SBF2: variants seen among roughly 807,000 people sequenced by gnomAD.
SBF2 encodes SET binding factor 2.
SBF2 carries 112 observed loss-of-function variants against 225.2 expected under a neutral mutation model. The observed-to-expected ratio is 0.50, with a 90% CI of 0.43 to 0.58. The LOEUF (loss-of-function observed/expected upper bound fraction) is 0.58, where lower values mean the gene tolerates loss of function less well. SBF2 is among the 20% of genes least tolerant of loss of function. The pLI, the probability that SBF2 is intolerant of heterozygous loss-of-function variation, is 0.00. For synonymous variants in SBF2, 763 were observed against 773.3 expected (o/e 0.99, Z 0.22); for missense variants, 1,996 against 2,206.2 (o/e 0.90, Z 1.91).
At chr11:10,251,392 C>T (rs936433937) in intron 1 of SBF2, among the ~76,000 whole-genome samples, 5 of 152,126 alleles carry the variant, frequency 3.3e-5, no homozygotes, top group Non-Finnish European at 7.4e-5. Context: ...TATGGTTACA[C>T]AACAGACTTT....
chr11:10,039,207 C>CA (rs916723822), intron 3 of SBF2, among the ~76,000 whole-genome samples: 4 of 151,020 alleles, frequency 2.6e-5, no homozygotes, highest in Admixed American at 2.6e-4. Flanking sequence ...TAATTCACAC[C>CA]AAAAAAGAAT....
chr11:10,192,168 T>C (rs1190198482), intron 2 of SBF2, among the ~76,000 whole-genome samples: 3 of 152,126 alleles, frequency 2.0e-5, no homozygotes, highest in African/African-American at 7.2e-5. Flanking sequence ...GTAAGGCCAA[T>C]TACTGGTATT....
intron 2 of SBF2, among the ~76,000 whole-genome samples, chr11:10,176,621 C>T (rs1478392822): frequency 1.3e-5 from 2 of 152,150 alleles, no homozygotes; most frequent in African/African-American, 2.4e-5. Flanking sequence ...GACATATACA[C>T]CCTCCCAAGA....
chr11:9,845,533 G>A (rs915847149), intron 24 of SBF2, 32 bp downstream of exon 24: 2 of 1,593,108 alleles, frequency 1.3e-6, no homozygotes, highest in South Asian at 1.1e-5. Flanking sequence ...TTACGGGAGG[G>A]CTGAAATTAA....
chr11:10,162,446 G>A (rs1458107552), intron 2 of SBF2, among the ~76,000 whole-genome samples: 6 of 152,132 alleles, frequency 3.9e-5, no homozygotes, highest in East Asian at 1.9e-4. Flanking sequence ...AAATAAGAAC[G>A]CAGGGTTTCA....
At chr11:10,060,734 A>G (rs1406257282) in intron 2 of SBF2, among the ~76,000 whole-genome samples, 1 of 152,128 alleles carries the variant, frequency 6.6e-6, no homozygotes, top group East Asian at 1.9e-4. Flanking sequence ...AACATATAAA[A>G]ATCTGTAAAC....
chr11:10,248,357 C>T lies in SBF2; in HGVS notation c.55+45658G>A, dbSNP rs116612677. ...GGGAATTTATGCAAGAAATGCAGTA[C>T]AATTTAAAGGTGATTAGGCCTCTTA... On this transcript the variant is annotated intron_variant, in intron 1 of 39. Transcript: ENST00000256190. 2.7e-3 allele frequency among the ~76,000 whole-genome samples: 408 copies of T among 152,282 alleles called. 4 individuals are homozygous for T. Among genetic ancestry groups the T allele is most frequent in the African/African-American group, 9.3e-3 (388 of 41,548 alleles).
At chr11:10,169,124 T>C (rs975004302) in intron 2 of SBF2, among the ~76,000 whole-genome samples, 4 of 152,240 alleles carry the variant, frequency 2.6e-5, no homozygotes, top group Non-Finnish European at 4.4e-5. Flanking sequence ...ATATAATGCA[T>C]AATAATCAGT....
chr11:10,004,512 C>A (rs1948102594), intron 6 of SBF2, among the ~76,000 whole-genome samples: 1 of 145,452 alleles, frequency 6.9e-6, no homozygotes, highest in Non-Finnish European at 1.5e-5. Flanking sequence ...GGAAGTCAAG[C>A]TAGGAACTGC....
intron 17 of SBF2, among the ~76,000 whole-genome samples, chr11:9,872,974 T>C (rs1209912204): frequency 1.3e-5 from 2 of 151,936 alleles, no homozygotes; most frequent in Non-Finnish European, 2.9e-5. Flanking sequence ...TGTATACATA[T>C]ATGCCATAGA....
intron 1 of SBF2, among the ~76,000 whole-genome samples, chr11:10,228,553 C>G (rs180697995): frequency 1.4e-3 from 206 of 152,214 alleles, no homozygotes; most frequent in African/African-American, 4.5e-3. Flanking sequence ...TTTTCAAAGG[C>G]CTTTTCTGCA....
At chr11:10,161,723 C>T (rs1057432551) in intron 2 of SBF2, among the ~76,000 whole-genome samples, 2 of 151,608 alleles carry the variant, frequency 1.3e-5, no homozygotes, top group African/African-American at 2.4e-5. Context: ...TGGTGGCTCA[C>T]GCCAGTAATC....
chr11:9,811,577 G>A (rs1854187508), intron 30 of SBF2, among the ~76,000 whole-genome samples: 1 of 152,118 alleles, frequency 6.6e-6, no homozygotes, highest in Admixed American at 6.6e-5. Flanking sequence ...TTCCTTCCAC[G>A]GGTATGCAAA....
chr11:10,229,851 C>T (rs964147177), intron 1 of SBF2, among the ~76,000 whole-genome samples: 1 of 152,152 alleles, frequency 6.6e-6, no homozygotes, highest in African/African-American at 2.4e-5. Context: ...GAGCTGAGTT[C>T]AAGTCCTGGA....
chr11:10,229,072 C>A (rs1334533325), intron 1 of SBF2, among the ~76,000 whole-genome samples: 2 of 152,092 alleles, frequency 1.3e-5, no homozygotes, highest in Admixed American at 1.3e-4. Context: ...GGAATTTATC[C>A]ATTTCTTCTA....
At chr11:10,239,060 ATGTT>A (rs1170084547) in intron 1 of SBF2, among the ~76,000 whole-genome samples, 1 of 150,942 alleles carries the variant, frequency 6.6e-6, no homozygotes, top group African/African-American at 2.4e-5. Flanking sequence ...ACACACATAT[ATGTT>A]TATGTGTATA....
At chr11:10,139,772 G>C (rs1290095420) in intron 2 of SBF2, among the ~76,000 whole-genome samples, 1 of 152,114 alleles carries the variant, frequency 6.6e-6, no homozygotes, top group Non-Finnish European at 1.5e-5. Context: ...GTAAGTTATT[G>C]TCCTCATTAG....
chr11:10,105,666 T>C (rs1952513681), intron 2 of SBF2, among the ~76,000 whole-genome samples: 1 of 152,218 alleles, frequency 6.6e-6, no homozygotes, highest in African/African-American at 2.4e-5. Context: ...GCTGTAAATG[T>C]CAAACACTTG....
chr11:9,928,512 GAT>G (rs1864233865), intron 16 of SBF2, among the ~76,000 whole-genome samples: 1 of 152,194 alleles, frequency 6.6e-6, no homozygotes, highest in African/African-American at 2.4e-5. Context: ...AATGTAAAAT[GAT>G]AGAGCTGCTT....
Sources: gnomAD v4.1 joint callset for allele counts (sites outside exome capture counted in the v4.1 genomes callset) on GRCh38, gnomAD v4.1.1 for gene constraint, MANE v1.5 for transcripts, NCBI Gene and HGNC (gene_info 2026-07-23, HGNC 2026-07-21) for gene names.